Variants in STX17 observed in about 807,000 individuals in gnomAD.
STX17 encodes the protein syntaxin-17.
In STX17, 29 loss-of-function variants were observed where a neutral mutation model predicts 35.9. That is an observed-to-expected ratio of 0.81 (90% confidence interval 0.60 to 1.10). STX17 has a LOEUF of 1.10. Ranked by LOEUF, STX17 falls within the 50% of genes least tolerant of loss-of-function variation. The pLI is 0.00. For missense variants in STX17, 312 were observed against 352.3 expected (o/e 0.89, Z 0.92); for synonymous variants, 92 against 118.3 (o/e 0.78, Z 1.44).
chr9:99,937,455 G>T (rs1215247835), intron 3 of STX17, among the ~76,000 whole-genome samples: 1 of 152,038 alleles, frequency 6.6e-6, no homozygotes. Flanking sequence ...TGTTTTATCT[G>T]TGTGTTTTAT....
In STX17 at chr9:99,968,429, T is replaced by A. The variant is rs1829960213; in HGVS notation, c.670-5T>A. ...TTCTAAATTGAATTTTTTTTTTTTT[T>A]ACAGGCTGCAAAATACAAGCTGGCA... On this transcript the variant is annotated splice_polypyrimidine_tract_variant and splice_region_variant and intron_variant, in intron 7 of 7. Coordinates refer to ENST00000259400, the MANE Select transcript of STX17 (RefSeq NM_017919.3). 1 of 1,524,102 alleles carries A rather than the reference T, an allele frequency of 6.6e-7. No individual in the cohort carries two copies. Among genetic ancestry groups the A allele is most frequent in the Middle Eastern group, 1.8e-4 (1 of 5,594 alleles). 94.4% of individuals were successfully genotyped at this position (1,524,102 alleles called of 1,614,324 possible).
intron 2 of STX17, among the ~76,000 whole-genome samples, chr9:99,919,505 T>C (rs778957182): frequency 1.3e-5 from 2 of 152,214 alleles, no homozygotes; most frequent in Non-Finnish European, 2.9e-5. Flanking sequence ...TTACAACATA[T>C]CCATACTCTT....
intron 7 of STX17, among the ~76,000 whole-genome samples, chr9:99,968,169 ATAGT>A (rs1829954034): frequency 1.3e-5 from 2 of 152,208 alleles, no homozygotes; most frequent in Admixed American, 6.5e-5. Flanking sequence ...AGCCAGCTAG[ATAGT>A]TAGTGAATTG....
chr9:99,923,506 C>G (rs1433736505), intron 2 of STX17, among the ~76,000 whole-genome samples: 1 of 152,158 alleles, frequency 6.6e-6, no homozygotes. Context: ...TCAACAACAA[C>G]AGTCACCAAC....
intron 4 of STX17, among the ~76,000 whole-genome samples, chr9:99,958,340 C>T (rs1055643875): frequency 1.3e-5 from 2 of 152,140 alleles, no homozygotes; most frequent in Non-Finnish European, 2.9e-5. Context: ...CATCTGTGCC[C>T]GTGTAGCACT....
intron 6 of STX17, among the ~76,000 whole-genome samples, chr9:99,963,249 T>C (rs923312807): frequency 1.3e-5 from 2 of 152,304 alleles, no homozygotes; most frequent in East Asian, 3.9e-4. Flanking sequence ...CTATTTTTCT[T>C]CAGCCTTTGT....
chr9:99,971,568 G>A lies in STX17; in HGVS notation c.*2895G>A, dbSNP rs1830015115. ...TTCTTGAATACCTTCTGTTTGCCAG[G>A]CACTTCACCAGGCATTTTACAAGTA... On this transcript the variant is annotated 3_prime_UTR_variant, in exon 8 of 8. Transcript: ENST00000259400. 6.6e-6 allele frequency among the ~76,000 whole-genome samples: 1 copy of A among 151,958 alleles called. No individual in the cohort carries two copies. Among genetic ancestry groups the A allele is most frequent in the Non-Finnish European group, 1.5e-5 (1 of 68,016 alleles).
chr9:99,922,734 C>T (rs1190648596), intron 2 of STX17, among the ~76,000 whole-genome samples: 1 of 152,198 alleles, frequency 6.6e-6, no homozygotes, highest in African/African-American at 2.4e-5. Context: ...TAAGGAAGGT[C>T]TTCCCCATCT....
At position 99,937,331 on chromosome 9, in the gene STX17, A is replaced by G. The variant is rs557054141; in HGVS notation, c.189+8488A>G. On this transcript the variant is annotated intron_variant, in intron 3 of 7. Coordinates refer to ENST00000259400, the MANE Select transcript of STX17 (RefSeq NM_017919.3). The stretch of plus-strand genomic sequence containing the variant: ...TATGGGCACTTTTTGGCCATTATTC[A>G]TATATTTTTCTGTCCCCTCCCTTCT... Among the ~76,000 whole-genome samples, 216 of 152,246 alleles carry G rather than the reference A, an allele frequency of 1.4e-3. 2 individuals are homozygous for G. The highest frequency in any genetic ancestry group is 5.1e-3 in the African/African-American group (213 of 41,538).
intron 4 of STX17, among the ~76,000 whole-genome samples, chr9:99,959,420 A>G (rs1829783237): frequency 6.6e-6 from 1 of 151,606 alleles, no homozygotes; most frequent in Admixed American, 6.6e-5. Context: ...AAAATGTGTT[A>G]ACTAATCTGG....
At chr9:99,947,585 G>T (rs149142583) in intron 3 of STX17, among the ~76,000 whole-genome samples, 10 of 152,132 alleles carry the variant, frequency 6.6e-5, no homozygotes, top group Non-Finnish European at 1.3e-4. Flanking sequence ...CTTCTAAGCC[G>T]CTGGGGGCAC....
At chr9:99,951,332 A>C in intron 4 of STX17, 47 bp downstream of exon 4, 1 of 1,556,700 alleles carries the variant, frequency 6.4e-7, no homozygotes, top group Non-Finnish European at 8.8e-7. Context: ...TAGTGCAGTT[A>C]ATTAAAGATC....
rs1055187 is a variant in STX17 at position 99,971,016 on chromosome 9, T to C, written c.*2343T>C. 0.39 allele frequency among the ~76,000 whole-genome samples: 59,675 copies of C among 152,074 alleles called. 12,485 individuals are homozygous for C. The highest frequency in any genetic ancestry group is 0.7 in the East Asian group (3,609 of 5,170). On this transcript the variant is annotated 3_prime_UTR_variant, in exon 8 of 8. Transcript: ENST00000259400. ...GGCAAGTTACAGTCCTTTTAAAAAGTATCTCATTTCCCTATAATGGAACCT... is the reference window on the plus strand; with the variant it reads ...GGCAAGTTACAGTCCTTTTAAAAAGCATCTCATTTCCCTATAATGGAACCT...
At chr9:99,912,551 C>T (rs539393393) in intron 1 of STX17, among the ~76,000 whole-genome samples, 3 of 152,178 alleles carry the variant, frequency 2.0e-5, no homozygotes, top group African/African-American at 7.2e-5. Context: ...CAAATATTTT[C>T]TCCCTTTATA....
intron 1 of STX17, chr9:99,907,001 G>C (rs1828563352): frequency 6.6e-6 from 1 of 152,336 alleles, no homozygotes; most frequent in Non-Finnish European, 1.5e-5. Flanking sequence ...TCTCTGGCGC[G>C]CTGTAGGCCC....
chr9:99,918,500 A>G (rs1828825016), intron 2 of STX17, among the ~76,000 whole-genome samples: 1 of 147,794 alleles, frequency 6.8e-6, no homozygotes, highest in African/African-American at 2.5e-5. Flanking sequence ...ACATCTTTCT[A>G]TAGTTTTTTT....
intron 6 of STX17, 189 bp from the exon 7 acceptor site, chr9:99,967,464 A>ACC (rs34436605): frequency 0.011 from 3,126 of 290,374 alleles, 101 homozygotes; most frequent in African/African-American, 0.061. Flanking sequence ...AATAATTAAG[A>ACC]CCCCCCCCTT....
At chr9:99,965,685 G>A (rs1173187454) in intron 6 of STX17, among the ~76,000 whole-genome samples, 1 of 152,084 alleles carries the variant, frequency 6.6e-6, no homozygotes, top group Non-Finnish European at 1.5e-5. Flanking sequence ...TTGCTATTGA[G>A]GAAAATAAAA....
intron 1 of STX17, among the ~76,000 whole-genome samples, chr9:99,914,746 G>T (rs994447420): frequency 6.6e-6 from 1 of 152,168 alleles, no homozygotes; most frequent in African/African-American, 2.4e-5. Flanking sequence ...TAAGCCATTT[G>T]ATACCTTTTT....
Sources: gnomAD v4.1 joint callset for allele counts (sites outside exome capture counted in the v4.1 genomes callset) on GRCh38, gnomAD v4.1.1 for gene constraint, MANE v1.5 for transcripts, NCBI Gene and HGNC (gene_info 2026-07-23, HGNC 2026-07-21) for gene names.